The following EMC1 variants were observed in gnomAD, a reference collection of about 807,000 sequenced individuals.
The protein encoded by EMC1 is ER membrane protein complex subunit 1.
Under a neutral mutation model 128.8 loss-of-function variants are expected in EMC1, and 103 were observed. The ratio of observed to expected loss-of-function variants is 0.80; its 90% CI spans 0.68 to 0.94. The LOEUF is 0.94. EMC1 is among the 40% of genes least tolerant of loss of function. The pLI is 0.00. For missense variants in EMC1, 1,083 were observed against 1,250.6 expected, an observed-to-expected ratio of 0.87 and a Z score of 2.02; for synonymous variants, 442 against 490.4, an observed-to-expected ratio of 0.90 and a Z score of 1.30.
At chr1:19,234,953 G>A (rs1451405303) in intron 13 of EMC1, among the ~76,000 whole-genome samples, 177 bp downstream of exon 13, 1 of 152,122 alleles carries the variant, frequency 6.6e-6, no homozygotes, top group Non-Finnish European at 1.5e-5. Context: ...AGAAAAGAAT[G>A]GTTTCATAAA....
chr1:19,240,750 C>T (rs2093600656), intron 6 of EMC1: 1 of 575,142 alleles, frequency 1.7e-6, no homozygotes, highest in Admixed American at 3.0e-5. Context: ...ATGTGGTGTC[C>T]TACTGTGATT....
rs1359798259 is a variant in EMC1, at chr1:19,237,230, GAT to G, written c.1219_1220del (p.Ile407ProfsTer8). 2 of 1,613,096 alleles carry G rather than the reference GAT, an allele frequency of 1.2e-6. No individual in the cohort carries two copies. Among genetic ancestry groups the G allele is most frequent in the Non-Finnish European group, 1.7e-6 (2 of 1,179,272 alleles). The part of the protein sequence containing the change: ...QSGTRPERLY[I>X]QVFLKKDDSV... ...AGTCATCCTTCTTCAAGAACACCTG[GAT>G]ATACAGCTATAAGCCACAGTCAAGA... On this transcript the variant is annotated frameshift_variant, in exon 12 of 23. Transcript: ENST00000477853. LOFTEE classifies it high-confidence loss of function.
At chr1:19,242,503 C>T in intron 4 of EMC1, 30 bp from the exon 5 acceptor site, 1 of 1,613,314 alleles carries the variant, frequency 6.2e-7, no homozygotes, top group East Asian at 2.2e-5. Context: ...GAGAGCAGCC[C>T]ACACCTGCAG....
intron 1 of EMC1, 52 bp downstream of exon 1, chr1:19,251,363 G>A (rs969867043): frequency 6.7e-7 from 1 of 1,485,122 alleles, no homozygotes; most frequent in South Asian, 1.1e-5. Context: ...GTAGGAGACA[G>A]GTACTGGGGA....
In EMC1 at chr1:19,217,263, C is replaced by G. The variant is rs997096906; in HGVS notation, c.*2040G>C. On this transcript the variant is annotated 3_prime_UTR_variant, in exon 23 of 23. Coordinates refer to ENST00000477853, the MANE Select transcript of EMC1 (RefSeq NM_015047.3). ...GCATTAGCATTAACTATTTTAAGCA[C>G]TTGGCCAAGCTCGGTGGCTCACACC... 2.6e-5 allele frequency: 4 copies of G among 152,152 alleles called. No homozygotes were observed. The highest frequency in any genetic ancestry group is 9.7e-5 in the African/African-American group (4 of 41,416). 9.4% of individuals were successfully genotyped at this position (152,152 alleles called of 1,614,324 possible). A position where few individuals can be genotyped will look rare whatever the true frequency, so the allele number is the denominator to read the frequency against.
Position 19,243,716 on chromosome 1 carries a change from G to GA in EMC1, c.287-10dup. ...GGACACAGTGATCACATCTGGAAAA[G>GA]AAAAGATCGTGGTGAAGTCATTTCC... On this transcript the variant is annotated splice_polypyrimidine_tract_variant and intron_variant, in intron 3 of 22. Coordinates refer to ENST00000477853, the MANE Select transcript of EMC1 (RefSeq NM_015047.3). 1 of 1,613,858 alleles carries GA rather than the reference G, an allele frequency of 6.2e-7. No homozygotes were observed. The highest frequency in any genetic ancestry group is 8.5e-7 in the Non-Finnish European group (1 of 1,179,738).
At chr1:19,227,240 C>G in intron 18 of EMC1, 73 bp downstream of exon 18, 1 of 1,564,006 alleles carries the variant, frequency 6.4e-7, no homozygotes, top group South Asian at 1.1e-5. Flanking sequence ...CCAAGTCCTA[C>G]AGCCAGACTT....
Position 19,244,926 on chromosome 1 carries a change from T to G in EMC1, c.200A>C (p.Asn67Thr). Residue 67 changes from asparagine to threonine, a missense_variant, in exon 2 of 23, where the codon AAT (asparagine) becomes ACT (threonine). Physicochemically the swap from Asn to Thr is moderately conservative, Grantham distance 65. This residue lies in a region of EMC1 where 544 missense variants were observed against 572.4 expected (regional missense o/e 0.95). Coordinates refer to ENST00000477853, the MANE Select transcript of EMC1 (RefSeq NM_015047.3). ...CTCACAGATCTCCCCAGTTCGGGAA[T>G]TTAATGCTGCAATCACATTCTTCTC... Reference protein sequence around the residue: ...ATEKNVIAALNSRTGEILWRH... With the variant: ...ATEKNVIAALTSRTGEILWRH... 2.5e-6 allele frequency: 4 copies of G among 1,613,862 alleles called. No homozygotes were observed. Among genetic ancestry groups the G allele is most frequent in the Non-Finnish European group, 3.4e-6 (4 of 1,179,816 alleles).
chr1:19,238,081 C>A lies in EMC1; in HGVS notation c.1148G>T (p.Gly383Val). The A allele has an allele frequency of 6.2e-7, 1 of 1,614,170 alleles. No individual in the cohort carries two copies. The highest frequency in any genetic ancestry group is 8.5e-7 in the Non-Finnish European group (1 of 1,180,032). ...TATCGTGGTGTCCAGCAGCCGCCGA[C>A]CTGTCTCCACGAGGTATAGGTTAAT... ...YTINLYLVETGRRLLDTTITF... is the reference protein window; with the variant it reads ...YTINLYLVETVRRLLDTTITF... The change falls in exon 11 of 23, where the codon GGT (glycine) becomes GTT (valine). Residue 383 changes from glycine (G) to valine (V), a missense_variant. Around this residue, in one of 3 missense-constraint regions of EMC1, gnomAD observed 544 missense variants for 572.4 expected, o/e 0.95. Transcript: ENST00000477853.
At chr1:19,230,797 A>G (rs2093515266) in intron 17 of EMC1, 47 bp downstream of exon 17, 1 of 1,610,650 alleles carries the variant, frequency 6.2e-7, no homozygotes, top group South Asian at 1.1e-5. Context: ...GCCAGGAAAC[A>G]CCTGCATCTC....
chr1:19,247,092 C>G (rs956026611), intron 1 of EMC1, among the ~76,000 whole-genome samples: 2 of 152,218 alleles, frequency 1.3e-5, no homozygotes, highest in African/African-American at 4.8e-5. Flanking sequence ...ATGCCTTGAT[C>G]TTGAATTTCC....
intron 4 of EMC1, 106 bp from the exon 5 acceptor site, chr1:19,242,579 C>A: frequency 7.8e-7 from 1 of 1,278,604 alleles, no homozygotes; most frequent in Non-Finnish European, 1.1e-6. Flanking sequence ...AGAAAACAGG[C>A]TTTGGGGTCA....
At chr1:19,224,214 C>G (rs528334232) in intron 18 of EMC1, among the ~76,000 whole-genome samples, 16 of 152,304 alleles carry the variant, frequency 1.1e-4, no homozygotes, top group African/African-American at 3.6e-4. Context: ...TGAGCATTTC[C>G]GTCACACTTA....
chr1:19,228,389 G>A (rs1024230692), intron 17 of EMC1, among the ~76,000 whole-genome samples: 10 of 152,068 alleles, frequency 6.6e-5, no homozygotes, highest in Non-Finnish European at 1.3e-4. Context: ...AAAACATTTC[G>A]TGTATGATTG....
At chr1:19,225,004 C>T (rs1340917450) in intron 18 of EMC1, among the ~76,000 whole-genome samples, 2 of 152,226 alleles carry the variant, frequency 1.3e-5, no homozygotes, top group Non-Finnish European at 2.9e-5. Context: ...CTTAGCCACC[C>T]GACTTACACT....
chr1:19,239,173 T>C, intron 9 of EMC1, 58 bp downstream of exon 9: 2 of 1,495,074 alleles, frequency 1.3e-6, no homozygotes, highest in Non-Finnish European at 1.9e-6. Context: ...TTTTCAGGGT[T>C]CCTAGTGGAG....
chr1:19,231,555 G>C (rs1487095732), intron 15 of EMC1, 133 bp from the exon 16 acceptor site: 1 of 918,380 alleles, frequency 1.1e-6, no homozygotes, highest in South Asian at 1.7e-5. Flanking sequence ...TGGAAAATAA[G>C]TTCTTGGCTG....
chr1:19,242,510 G>A (rs755226310), intron 4 of EMC1, 37 bp from the exon 5 acceptor site: 8 of 1,612,692 alleles, frequency 5.0e-6, no homozygotes, highest in Non-Finnish European at 6.8e-6. Flanking sequence ...GCCCACACCT[G>A]CAGAGCCTCA....
Position 19,245,021 on chromosome 1 carries a change from T to C in EMC1, c.105A>G (p.Gln35=), listed in dbSNP as rs377760518. ...DQVGKFDWRQ[Q]YVGKVKFASL... is the part of the protein sequence containing the mutation. ...AGGCAAACTTGACCTTCCCAACATA[T>C]TGCTGTCTCCTGAGAAAAAAAGAGT... is the stretch of plus-strand genomic sequence containing the variant. The change falls in exon 2 of 23, where the codon CAA becomes CAG. Residue 35 remains glutamine (Q), a synonymous_variant. Transcript: ENST00000477853. 36 of 1,613,780 alleles carry C rather than the reference T, an allele frequency of 2.2e-5. No individual in the cohort carries two copies. The highest frequency in any genetic ancestry group is 3.3e-5 in the Admixed American group (2 of 60,006).
Sources: allele counts gnomAD v4.1 joint callset (sites outside exome capture counted in the v4.1 genomes callset), GRCh38; gene constraint gnomAD v4.1.1; regional missense constraint gnomAD v4.1.1; transcripts MANE v1.5; gene names NCBI Gene and HGNC (gene_info 2026-07-23, HGNC 2026-07-21).